Variants in GRHL2 observed in about 807,000 individuals in gnomAD.
The protein encoded by GRHL2 is grainyhead-like protein 2 homolog.
In GRHL2, 21 loss-of-function variants were observed where a neutral mutation model predicts 83.8. The ratio of observed to expected loss-of-function variants is 0.25; its 90% CI spans 0.18 to 0.36. GRHL2 has a LOEUF of 0.36. Ranked by LOEUF, GRHL2 falls within the 10% of genes least tolerant of loss-of-function variation. The pLI is 1.00. For synonymous variants in GRHL2, 280 were observed against 278.9 expected (o/e 1.00, Z -0.04); for missense variants, 623 against 781.8 (o/e 0.80, Z 2.42).
intron 1 of GRHL2, among the ~76,000 whole-genome samples, chr8:101,499,651 A>C (rs1376228795): frequency 6.6e-6 from 1 of 152,186 alleles, no homozygotes; most frequent in Non-Finnish European, 1.5e-5. Flanking sequence ...CCTTGGAAAA[A>C]TTTGAAGTCA....
downstream of GRHL2, among the ~76,000 whole-genome samples, chr8:101,671,456 C>T (rs190718583): frequency 3.6e-3 from 522 of 145,132 alleles, 3 homozygotes; most frequent in Non-Finnish European, 5.0e-3. Context: ...GGCAGCGATG[C>T]TGGGGGAGGG....
At chr8:101,621,601 A>G (rs1812966190) in intron 9 of GRHL2, among the ~76,000 whole-genome samples, 1 of 152,200 alleles carries the variant, frequency 6.6e-6, no homozygotes. Flanking sequence ...GAAGAAAGAT[A>G]AAGATGTAAT....
rs541790675 is a variant in GRHL2 at position 101,494,873 on chromosome 8, C to T, written c.20+2084C>T. Reference sequence around the variant, plus strand: ...ATTACATATGCTTGCATTTAATGAACGTTGCTTTTATCTAGTCGTGGTTTC... The same window carrying T: ...ATTACATATGCTTGCATTTAATGAATGTTGCTTTTATCTAGTCGTGGTTTC... On this transcript the variant is annotated intron_variant, in intron 1 of 15. Transcript: ENST00000646743. Among the ~76,000 whole-genome samples the T allele has an allele frequency of 3.3e-5, 5 of 152,292 alleles. No individual in the cohort carries two copies. In the East Asian group the frequency reaches 5.8e-4, roughly 18 times the overall value.
At chr8:101,605,241 A>G (rs1812610115) in intron 8 of GRHL2, among the ~76,000 whole-genome samples, 4 of 152,172 alleles carry the variant, frequency 2.6e-5, no homozygotes, top group African/African-American at 9.7e-5. Context: ...AGCCTAAGAG[A>G]CATCATGGAT....
intron 7 of GRHL2, among the ~76,000 whole-genome samples, chr8:101,597,940 T>G (rs1045876357): frequency 6.6e-6 from 1 of 152,180 alleles, no homozygotes; most frequent in Admixed American, 6.5e-5. Flanking sequence ...CAGTTAAATT[T>G]GAATTTCTGA....
intron 4 of GRHL2, among the ~76,000 whole-genome samples, chr8:101,561,074 T>C (rs1167223990): frequency 6.6e-6 from 1 of 152,092 alleles, no homozygotes; most frequent in Non-Finnish European, 1.5e-5. Flanking sequence ...GTCACAAACT[T>C]TTTTTGTTTG....
At chr8:101,664,388 T>C in intron 14 of GRHL2, 66 bp from the exon 15 acceptor site, 7 of 1,190,468 alleles carry the variant, frequency 5.9e-6, no homozygotes, top group Non-Finnish European at 8.8e-6. Context: ...AAACTGGAAC[T>C]TTCCCCCTTG....
chr8:101,644,955 C>G (rs1586167317), intron 13 of GRHL2, among the ~76,000 whole-genome samples: 2 of 151,952 alleles, frequency 1.3e-5, no homozygotes, highest in South Asian at 4.2e-4. Context: ...TTCAGCTATC[C>G]TCCCACCTCA....
At chr8:101,676,471 C>T in the GRHL2 span, among the ~76,000 whole-genome samples, 2 of 152,184 alleles carry the variant, frequency 1.3e-5, no homozygotes, top group African/African-American at 2.4e-5. Context: ...TGCTCAACAT[C>T]ACTGGCCATC....
intron 9 of GRHL2, among the ~76,000 whole-genome samples, chr8:101,628,283 A>G (rs1392029938): frequency 6.6e-6 from 1 of 151,678 alleles, no homozygotes; most frequent in Non-Finnish European, 1.5e-5. Flanking sequence ...CATACCAAAA[A>G]TCCTAGGGTC....
intron 1 of GRHL2, among the ~76,000 whole-genome samples, chr8:101,513,529 T>G (rs1810507659): frequency 1.3e-5 from 1 of 74,464 alleles, no homozygotes; most frequent in Admixed American, 1.8e-4. Context: ...AGTTTTGCTC[T>G]TGTCACCTAG....
At chr8:101,563,921 G>A (rs1811660632) in intron 4 of GRHL2, among the ~76,000 whole-genome samples, 1 of 152,072 alleles carries the variant, frequency 6.6e-6, no homozygotes, top group African/African-American at 2.4e-5. Flanking sequence ...ACACAGTGTA[G>A]AAATATTCCA....
At chr8:101,597,429 CCAAATGTCCAACA>C (rs1812413300) in intron 7 of GRHL2, among the ~76,000 whole-genome samples, 1 of 152,038 alleles carries the variant, frequency 6.6e-6, no homozygotes, top group Non-Finnish European at 1.5e-5. Flanking sequence ...TGGAACCAAC[CCAAATGTCCAACA>C]ATGATAGATT....
In GRHL2 at chr8:101,600,320, C is replaced by T. The variant is rs372034326; in HGVS notation, c.1098+1169C>T. ...GGTTGGTCCCACACAGAACTGTAGG[C>T]AAATGTGTCTCTAAGGTCCACTCCT... On this transcript the variant is annotated intron_variant, in intron 8 of 15. Coordinates refer to ENST00000646743, the MANE Select transcript of GRHL2 (RefSeq NM_024915.4). Among the ~76,000 whole-genome samples the T allele has an allele frequency of 5.3e-5, 8 of 152,330 alleles. No homozygotes were observed. The East Asian group carries it at 9.6e-4, about 18-fold the overall frequency.
downstream of GRHL2, among the ~76,000 whole-genome samples, chr8:101,671,196 C>T (rs1426103069): frequency 6.6e-6 from 1 of 152,162 alleles, no homozygotes; most frequent in Non-Finnish European, 1.5e-5. Context: ...GCAGTGCACC[C>T]TGCGCAAGCT....
chr8:101,558,391 TCA>T (rs1563579324), intron 3 of GRHL2, 26 bp from the exon 4 acceptor site: 11 of 1,613,594 alleles, frequency 6.8e-6, no homozygotes, highest in Non-Finnish European at 9.3e-6. Context: ...TCTAATTCTA[TCA>T]TGTTGCGGGG....
At chr8:101,552,894 T>G in intron 3 of GRHL2, 112 bp downstream of exon 3, 2 of 997,286 alleles carry the variant, frequency 2.0e-6, no homozygotes, top group Non-Finnish European at 3.1e-6. Context: ...CTTAGCATCA[T>G]CTATCTGTCT....
chr8:101,581,590 T>G (rs758580139), intron 7 of GRHL2, among the ~76,000 whole-genome samples: 1 of 152,148 alleles, frequency 6.6e-6, no homozygotes, highest in African/African-American at 2.4e-5. Flanking sequence ...AGACTTGGAG[T>G]TAGTGATGGC....
intron 8 of GRHL2, among the ~76,000 whole-genome samples, chr8:101,601,122 T>A (rs1282675635): frequency 1.3e-5 from 2 of 151,764 alleles, no homozygotes; most frequent in Non-Finnish European, 2.9e-5. Flanking sequence ...ATCATGCCAC[T>A]GTACTCTAGC....
Sources: allele counts gnomAD v4.1 joint callset (sites outside exome capture counted in the v4.1 genomes callset), GRCh38; gene constraint gnomAD v4.1.1; transcripts MANE v1.5; gene names NCBI Gene and HGNC (gene_info 2026-07-23, HGNC 2026-07-21).